OARD1: variants seen among roughly 807,000 people sequenced by gnomAD.
OARD1 encodes ADP-ribose glycohydrolase OARD1.
OARD1 carries 19 observed loss-of-function variants against 19.7 expected under a neutral mutation model. The ratio of observed to expected loss-of-function variants is 0.96; its 90% confidence interval spans 0.67 to 1.41. OARD1 has a LOEUF of 1.41. Among genes scored for constraint, OARD1 ranks in the 40% most tolerant of loss-of-function variants. The pLI, the probability that OARD1 is intolerant of heterozygous loss-of-function variation, is 0.00. For missense variants in OARD1, 190 were observed against 183.8 expected (o/e 1.03, Z -0.20); for synonymous variants, 70 against 61.8 (o/e 1.13, Z -0.62).
chr6:41,095,590 C>T (rs1764327404), intron 1 of OARD1, among the ~76,000 whole-genome samples: 1 of 152,044 alleles, frequency 6.6e-6, no homozygotes, highest in African/African-American at 2.4e-5. Flanking sequence ...ACCACCATGC[C>T]CAGCTAATTT....
In OARD1 at chr6:41,071,168, T is replaced by C. The variant is rs372347847; in HGVS notation, c.148A>G (p.Lys50Glu). The C allele has an allele frequency of 1.2e-6, 2 of 1,614,106 alleles. No individual in the cohort carries two copies. The highest frequency in any genetic ancestry group is 2.7e-5 in the African/African-American group (2 of 74,936). The change falls in exon 3 of 6, where the codon AAG (lysine) becomes GAG (glutamate). Residue 50 changes from lysine to glutamate, a missense_variant. Coordinates refer to ENST00000424266, the MANE Select transcript of OARD1 (RefSeq NM_001329686.2). Reference sequence around the variant, plus strand: ...AGTTCTTGCACCCCTCCAAATTTCTTCTTAAAGAGGACAGCTATCCCAGCG... The same window carrying C: ...AGTTCTTGCACCCCTCCAAATTTCTCCTTAAAGAGGACAGCTATCCCAGCG... Reference protein sequence around the residue: ...MGAGIAVLFKKKFGGVQELLN... With the variant: ...MGAGIAVLFKEKFGGVQELLN...
chr6:41,095,406 G>C (rs1411920466), intron 1 of OARD1, among the ~76,000 whole-genome samples: 1 of 152,082 alleles, frequency 6.6e-6, no homozygotes, highest in Non-Finnish European at 1.5e-5. Flanking sequence ...TGTTAGGTCT[G>C]GGTTTAATTA....
chr6:41,097,422 G>A, intron 1 of OARD1: 1 of 1,613,710 alleles, frequency 6.2e-7, no homozygotes, highest in Non-Finnish European at 8.5e-7. Flanking sequence ...CCCACGCCAT[G>A]TGATGGAGCT....
Position 41,094,608 on chromosome 6 carries a change from C to T in OARD1, c.-42+3105G>A, listed in dbSNP as rs972734649. The T allele has an allele frequency of 1.1e-4, 78 of 727,538 alleles. 1 individual carries two copies. Among genetic ancestry groups the T allele is most frequent in the Non-Finnish European group, 1.6e-4 (69 of 426,208 alleles). The allele number at this position is 727,538 out of a possible 1,614,324, so 45.1% of individuals were successfully genotyped here. On this transcript the variant is annotated intron_variant, in intron 1 of 4. Coordinates refer to the OARD1 transcript ENST00000480585. ...TTCCTACTCTGGGACTACTCACATT[C>T]TCTAAACTGGATGCAATCTTATGTC...
chr6:41,072,117 G>A (rs780465177), intron 1 of OARD1, 119 bp downstream of exon 1: 1 of 155,542 alleles, frequency 6.4e-6, no homozygotes, highest in East Asian at 1.9e-4. Context: ...CTGGCGTGCT[G>A]AGCCCCAGGC....
intron 1 of OARD1, among the ~76,000 whole-genome samples, chr6:41,080,008 A>G (rs1763863398): frequency 6.6e-6 from 1 of 152,114 alleles, no homozygotes; most frequent in Non-Finnish European, 1.5e-5. Flanking sequence ...TTTTTAGAGG[A>G]AGGGATTCCA....
chr6:41,080,843 G>A (rs772456505), intron 1 of OARD1: 1 of 1,614,030 alleles, frequency 6.2e-7, no homozygotes, highest in Admixed American at 1.7e-5. Context: ...TGCAGTTGCA[G>A]ACTGAGGCCC....
At chr6:41,089,946 C>T (rs573978912) in intron 1 of OARD1, among the ~76,000 whole-genome samples, 2 of 151,922 alleles carry the variant, frequency 1.3e-5, no homozygotes, top group Non-Finnish European at 2.9e-5. Flanking sequence ...GGTGAAGCCC[C>T]GTCAAAATAC....
intron 3 of OARD1, 46 bp downstream of exon 3, chr6:41,071,086 G>C (rs371024819): frequency 2.3e-5 from 37 of 1,587,162 alleles, no homozygotes; most frequent in Non-Finnish European, 3.2e-5. Flanking sequence ...CAGATTAAAA[G>C]GTGCTCTAGC....
intron 4 of OARD1, 33 bp from the exon 5 acceptor site, chr6:41,068,986 CA>C: frequency 8.3e-7 from 1 of 1,203,870 alleles, no homozygotes; most frequent in Non-Finnish European, 1.2e-6. Context: ...TTCATCATCC[CA>C]AAATGATAGC....
chr6:41,067,279 A>C lies in OARD1; in HGVS notation c.*56T>G. 1.8e-6 allele frequency: 2 copies of C among 1,126,468 alleles called. No individual in the cohort carries two copies. The highest frequency in any genetic ancestry group is 2.7e-6 in the Non-Finnish European group (2 of 753,060). 69.8% of individuals were successfully genotyped at this position (1,126,468 alleles called of 1,614,324 possible). On this transcript the variant is annotated 3_prime_UTR_variant, in exon 6 of 6. Transcript: ENST00000424266. ...TTTTAAGGTAGGTTTGCCCGGTCCTATGGCCCAGTAGAGATGACACAGGAG... is the reference window on the plus strand; with the variant it reads ...TTTTAAGGTAGGTTTGCCCGGTCCTCTGGCCCAGTAGAGATGACACAGGAG...
intron 1 of OARD1, among the ~76,000 whole-genome samples, chr6:41,087,682 A>C (rs539129016): frequency 1.6e-4 from 25 of 152,286 alleles, no homozygotes; most frequent in Admixed American, 3.3e-4. Flanking sequence ...ATTTTGAGCT[A>C]TGGGGCTCTC....
chr6:41,090,579 T>A (rs1019499660), intron 1 of OARD1, among the ~76,000 whole-genome samples: 19 of 152,292 alleles, frequency 1.2e-4, no homozygotes, highest in African/African-American at 4.1e-4. Flanking sequence ...AACAGAAGAA[T>A]AGAAATAGGG....
rs1240288472 is a variant in OARD1 at position 41,096,832 on chromosome 6, C to G, written c.-42+881G>C. Among the ~76,000 whole-genome samples the G allele has an allele frequency of 1.2e-4, 19 of 152,344 alleles. 1 individual carries two copies. In the South Asian group the frequency reaches 3.9e-3, roughly 32 times the overall value. ...GATTTGGGAGTTAGCCCTTGCTGGACTCCTAACTTTCTGACCCTGACCCTA... is the reference window on the plus strand; with the variant it reads ...GATTTGGGAGTTAGCCCTTGCTGGAGTCCTAACTTTCTGACCCTGACCCTA... On this transcript the variant is annotated intron_variant, in intron 1 of 4. Coordinates refer to the OARD1 transcript ENST00000480585.
intron 1 of OARD1, among the ~76,000 whole-genome samples, chr6:41,087,387 C>T (rs1764077019): frequency 6.6e-6 from 1 of 152,088 alleles, no homozygotes; most frequent in Non-Finnish European, 1.5e-5. Flanking sequence ...TTTTTCCTAT[C>T]AGCTGGTAGA....
chr6:41,070,692 AG>A, intron 3 of OARD1: 1 of 271,518 alleles, frequency 3.7e-6, no homozygotes, highest in Non-Finnish European at 7.0e-6. Flanking sequence ...ATGTGGTCGG[AG>A]AAACTGTTGC....
chr6:41,086,303 A>AGAT (rs1216642933), intron 1 of OARD1, among the ~76,000 whole-genome samples: 1 of 152,192 alleles, frequency 6.6e-6, no homozygotes, highest in African/African-American at 2.4e-5. Context: ...AATTTATATG[A>AGAT]GATGATATCT....
At chr6:41,084,067 G>T (rs1763979332) in intron 1 of OARD1, 1 of 1,611,536 alleles carries the variant, frequency 6.2e-7, no homozygotes, top group South Asian at 1.1e-5. Context: ...GCCATTAATG[G>T]TGCAGGTCAG....
chr6:41,070,747 T>G (rs1763295767), intron 3 of OARD1: 1 of 390,450 alleles, frequency 2.6e-6, no homozygotes, highest in Non-Finnish European at 4.6e-6. Flanking sequence ...TGGTTTAAAG[T>G]GGCCCGTAGA....
Sources: gnomAD v4.1 joint callset for allele counts (sites outside exome capture counted in the v4.1 genomes callset) on GRCh38, gnomAD v4.1.1 for gene constraint, MANE v1.5 for transcripts, NCBI Gene and HGNC (gene_info 2026-07-23, HGNC 2026-07-21) for gene names.